DLK2: variants seen among roughly 807,000 people sequenced by gnomAD.
The protein encoded by DLK2 is protein delta homolog 2.
DLK2 carries 9 observed loss-of-function variants against 31.3 expected under a neutral mutation model. The ratio of observed to expected loss-of-function variants is 0.29; its 90% CI spans 0.17 to 0.50. The LOEUF (loss-of-function observed/expected upper bound fraction) is 0.50. Ranked by LOEUF, DLK2 falls within the 20% of genes least tolerant of loss-of-function variation. The pLI is 0.98. For synonymous variants in DLK2, 169 were observed against 201.2 expected (o/e 0.84, Z 1.35); for missense variants, 387 against 526.1 (o/e 0.74, Z 2.59).
At position 43,450,838 on chromosome 6, in the gene DLK2, C is replaced by G. The variant is rs369131771; in HGVS notation, c.853G>C (p.Gly285Arg). 6.2e-7 allele frequency: 1 copy of G among 1,614,192 alleles called. No individual in the cohort carries two copies. The highest frequency in any genetic ancestry group is 1.7e-5 in the Admixed American group (1 of 60,020). Residue 285 changes from glycine (G) to arginine (R), a missense_variant, in exon 6 of 6, where the codon GGT becomes CGT. Physicochemically the swap from Gly to Arg is moderately radical, Grantham distance 125. Coordinates refer to ENST00000372488, the MANE Select transcript of DLK2 (RefSeq NM_023932.4). This position sits in a 1 kb window ranked among gnomAD's most constrained non-coding sequence, Gnocchi z 4.5. ...TCCTTCACTGAGATCCGCAGCAGAC[C>G]AGCCCCTGCGCTGTGGGGGGCTGGC... ...TGPAPHSAGA[G>R]LLRISVKEVV...
chr6:43,455,818 C>G (rs1284599867), upstream of DLK2, among the ~76,000 whole-genome samples: 1 of 152,146 alleles, frequency 6.6e-6, no homozygotes, highest in African/African-American at 2.4e-5. Flanking sequence ...TCTCTCATCT[C>G]CCATGCCCAC....
At position 43,450,965 on chromosome 6, in the gene DLK2, A is replaced by G. The variant is rs370014312; in HGVS notation, c.726T>C (p.Tyr242=). 4.3e-6 allele frequency: 7 copies of G among 1,614,240 alleles called. No homozygotes were observed. The South Asian group carries it at 5.5e-5, about 13-fold the overall frequency. ...AGACAAGCTCACAGGTCTTGCCACC[A>G]TAGCCACTGGGGCAGAGGCAGTCGA... ...HDFDCLCPSG[Y]GGKTCELVLP... The change falls in exon 6 of 6, where the codon TAT becomes TAC. Residue 242 remains tyrosine, a synonymous_variant. Coordinates refer to ENST00000372488, the MANE Select transcript of DLK2 (RefSeq NM_023932.4). This position sits in a 1 kb window ranked among gnomAD's most constrained non-coding sequence, Gnocchi z 4.5.
In DLK2 at chr6:43,450,524, A is replaced by G. The variant is rs1385363022; in HGVS notation, c.*15T>C. 2 of 1,528,744 alleles carry G rather than the reference A, an allele frequency of 1.3e-6. No individual in the cohort carries two copies. The allele number at this position is 1,528,744 out of a possible 1,614,324, so 94.7% of individuals were successfully genotyped here. On this transcript the variant is annotated 3_prime_UTR_variant, in exon 6 of 6. Transcript: ENST00000372488. The surrounding 1 kb of genome is among the most constrained non-coding windows in gnomAD (Gnocchi z 4.5). ...GGAAGAGGTGAGGAAGGGGGCCAGA[A>G]AGCCCCCACCTCCATCACAGTGCTG...
In DLK2 at chr6:43,451,136, G is replaced by A. The variant is rs373336951; in HGVS notation, c.555C>T (p.Asn185=). ...TTATGCCGTCAAGGCAGGTGGCACC[G>A]TTAGCACAAGGCCGCATCAGGCAGT... The part of the protein sequence containing the change: ...VDDCLMRPCA[N]GATCLDGINR... Residue 185 remains asparagine, a synonymous_variant, in exon 6 of 6, where the codon AAC becomes AAT. Coordinates refer to ENST00000372488, the MANE Select transcript of DLK2 (RefSeq NM_023932.4). This position sits in a 1 kb window ranked among gnomAD's most constrained non-coding sequence, Gnocchi z 4.4. 63 of 1,614,200 alleles carry A rather than the reference G, an allele frequency of 3.9e-5. 1 individual carries two copies. The highest frequency in any genetic ancestry group is 2.2e-4 in the South Asian group (20 of 91,088).
rs773031444 is a variant in DLK2, at chr6:43,450,718, C to T, written c.973G>A (p.Val325Met). 23 of 1,614,148 alleles carry T rather than the reference C, an allele frequency of 1.4e-5. No individual in the cohort carries two copies. In the South Asian group the frequency reaches 2.3e-4, roughly 16 times the overall value. ...ALTAALVLATVLLTLRAWRRG... is the reference protein window; with the variant it reads ...ALTAALVLATMLLTLRAWRRG... ...CGCCAGGCCCTCAGGGTCAGCAACA[C>T]AGTAGCCAGAACCAGGGCAGCAGTG... is the stretch of plus-strand genomic sequence containing the variant. Residue 325 changes from valine (V) to methionine (M), a missense_variant, in exon 6 of 6, where the codon GTG becomes ATG. By Grantham distance (21) the Val-to-Met change is conservative. Transcript: ENST00000372488. This position sits in a 1 kb window ranked among gnomAD's most constrained non-coding sequence, Gnocchi z 4.5.
Position 43,454,458 on chromosome 6 carries a change from G to T in DLK2, c.93C>A (p.Ser31=). ...AGCAGCCGTGGGCCAGGTCACAGTG[G>T]GAGCTGCAGTCATCGGCTGCAAGAG... ...GQPVRADDCS[S]HCDLAHGCCA... is the part of the protein sequence containing the mutation. The change falls in exon 3 of 6, where the codon TCC becomes TCA. Residue 31 remains serine (S), a synonymous_variant. Transcript: ENST00000372488. 6.3e-7 allele frequency: 1 copy of T among 1,598,640 alleles called. No homozygotes were observed.
chr6:43,453,275 A>T lies in DLK2; in HGVS notation c.141-140T>A. ...CAGACCTGTCCCAGGTAGGTGTAGG[A>T]CTGTGCAGGGTCATAGGACACATAT... On this transcript the variant is annotated intron_variant, in intron 3 of 5. Coordinates refer to ENST00000372488, the MANE Select transcript of DLK2 (RefSeq NM_023932.4). This position sits in a 1 kb window ranked among gnomAD's most constrained non-coding sequence, Gnocchi z 4.1. 8.8e-7 allele frequency: 1 copy of T among 1,141,564 alleles called. No homozygotes were observed. 70.7% of individuals were successfully genotyped at this position (1,141,564 alleles called of 1,614,324 possible).
In DLK2 at chr6:43,453,996, G is replaced by T. The variant is rs1044412996; in HGVS notation, c.140+415C>A. Reference sequence around the variant, plus strand: ...TACAGAATTTGCCCAATCTCCCAGTGAGTCAACTACTCAAACTCATCAAGA... The same window carrying T: ...TACAGAATTTGCCCAATCTCCCAGTTAGTCAACTACTCAAACTCATCAAGA... On this transcript the variant is annotated intron_variant, in intron 3 of 5. Transcript: ENST00000372488. This position sits in a 1 kb window ranked among gnomAD's most constrained non-coding sequence, Gnocchi z 4.1. 2.6e-5 allele frequency among the ~76,000 whole-genome samples: 4 copies of T among 152,162 alleles called. No homozygotes were observed. In the South Asian group the frequency reaches 8.3e-4, roughly 32 times the overall value.
In DLK2 at chr6:43,450,466, G is replaced by T; in HGVS notation, c.*73C>A. The T allele has an allele frequency of 6.7e-7, 1 of 1,483,354 alleles. No homozygotes were observed. The highest frequency in any genetic ancestry group is 1.4e-5 in the South Asian group (1 of 72,104). 91.9% of individuals were successfully genotyped at this position (1,483,354 alleles called of 1,614,324 possible). ...TCTGTGTGTGTACCCAAGCTGAAGG[G>T]TGGTGAGAACGGACCACTCCAGTCT... On this transcript the variant is annotated 3_prime_UTR_variant, in exon 6 of 6. Transcript: ENST00000372488. This position sits in a 1 kb window ranked among gnomAD's most constrained non-coding sequence, Gnocchi z 4.5.
rs1386919433 is a variant in DLK2 at position 43,453,518 on chromosome 6, C to T, written c.141-383G>A. On this transcript the variant is annotated intron_variant, in intron 3 of 5. Coordinates refer to ENST00000372488, the MANE Select transcript of DLK2 (RefSeq NM_023932.4). This position sits in a 1 kb window ranked among gnomAD's most constrained non-coding sequence, Gnocchi z 4.1. ...CCTTGAAAGGCCATCAGGGCCGGGGCGTGGTTGCTCACGCCTGTAATCCCA... is the reference window on the plus strand; with the variant it reads ...CCTTGAAAGGCCATCAGGGCCGGGGTGTGGTTGCTCACGCCTGTAATCCCA... Among the ~76,000 whole-genome samples the T allele has an allele frequency of 6.6e-6, 1 of 152,222 alleles. No individual in the cohort carries two copies. Among genetic ancestry groups the T allele is most frequent in the South Asian group, 2.1e-4 (1 of 4,834 alleles).
In DLK2 at chr6:43,453,270, G is replaced by A. The variant is rs1458018338; in HGVS notation, c.141-135C>T. 8.4e-6 allele frequency: 10 copies of A among 1,186,862 alleles called. No homozygotes were observed. The highest frequency in any genetic ancestry group is 9.1e-6 in the Non-Finnish European group (8 of 878,748). The allele number at this position is 1,186,862 out of a possible 1,614,324, so 73.5% of individuals were successfully genotyped here. A position where few individuals can be genotyped will look rare whatever the true frequency, so the allele number is the denominator to read the frequency against. On this transcript the variant is annotated intron_variant, in intron 3 of 5. Coordinates refer to ENST00000372488, the MANE Select transcript of DLK2 (RefSeq NM_023932.4). The surrounding 1 kb of genome is among the most constrained non-coding windows in gnomAD (Gnocchi z 4.1). ...GAAAGCAGACCTGTCCCAGGTAGGTGTAGGACTGTGCAGGGTCATAGGACA... is the reference window on the plus strand; with the variant it reads ...GAAAGCAGACCTGTCCCAGGTAGGTATAGGACTGTGCAGGGTCATAGGACA...
In DLK2 at chr6:43,454,787, C is replaced by T. The variant is rs1783908700; in HGVS notation, c.39G>A (p.Leu13=). Residue 13 remains leucine (L), a synonymous_variant, in exon 2 of 6, where the codon CTG becomes CTA. Coordinates refer to ENST00000372488, the MANE Select transcript of DLK2 (RefSeq NM_023932.4). The part of the protein sequence containing the change: ...SGCRCLHLVC[L]LCILGAPGQP... ...GACCGGGAGCCCCCAGAATGCACAA[C>T]AGGCACACGAGATGCAGGCAGCGGC... 4 of 1,555,456 alleles carry T rather than the reference C, an allele frequency of 2.6e-6. No individual in the cohort carries two copies. Among genetic ancestry groups the T allele is most frequent in the Non-Finnish European group, 3.5e-6 (4 of 1,157,428 alleles).
At chr6:43,455,323 C>G (rs1046337733) in intron 1 of DLK2, 72 bp downstream of exon 1, 4 of 150,524 alleles carry the variant, frequency 2.7e-5, no homozygotes, top group Non-Finnish European at 5.8e-5. Flanking sequence ...CCCTTTCTAT[C>G]TCCGCCGCGC....
At position 43,453,274 on chromosome 6, in the gene DLK2, G is replaced by C; in HGVS notation, c.141-139C>G. The C allele has an allele frequency of 8.8e-7, 1 of 1,140,256 alleles. No individual in the cohort carries two copies. Among genetic ancestry groups the C allele is most frequent in the Non-Finnish European group, 1.2e-6 (1 of 837,784 alleles). 70.6% of individuals were successfully genotyped at this position (1,140,256 alleles called of 1,614,324 possible). Reference sequence around the variant, plus strand: ...GCAGACCTGTCCCAGGTAGGTGTAGGACTGTGCAGGGTCATAGGACACATA... The same window carrying C: ...GCAGACCTGTCCCAGGTAGGTGTAGCACTGTGCAGGGTCATAGGACACATA... On this transcript the variant is annotated intron_variant, in intron 3 of 5. Transcript: ENST00000372488. This position sits in a 1 kb window ranked among gnomAD's most constrained non-coding sequence, Gnocchi z 4.1.
intron 1 of DLK2, 159 bp from the exon 2 acceptor site, chr6:43,455,039 AGAGAGCGAG>A (rs1783923285): frequency 1.0e-6 from 1 of 984,888 alleles, no homozygotes; most frequent in South Asian, 4.7e-5. Flanking sequence ...GAGCAGGCGA[AGAGAGCGAG>A]GAGAGCGAAG....
chr6:43,455,646 C>A (rs1194828952), upstream of DLK2: 108 of 142,046 alleles, frequency 7.6e-4, 1 homozygote, highest in African/African-American at 2.3e-3. Flanking sequence ...CCATCCCCCC[C>A]CCCGCGACGC....
Position 43,453,084 on chromosome 6 carries a change from A to G in DLK2, c.192T>C (p.Pro64=), listed in dbSNP as rs1783836131. The G allele has an allele frequency of 6.2e-7, 1 of 1,613,958 alleles. No individual in the cohort carries two copies. ...GGTGGCAGGTACCGTGCTGGCAGCC[A>G]GGCATCCTCACACAGCGCTCACAGT... ...GLHCERCVRM[P]GCQHGTCHQP... The change falls in exon 4 of 6, where the codon CCT becomes CCC. Residue 64 remains proline, a synonymous_variant. Transcript: ENST00000372488. The surrounding 1 kb of genome is among the most constrained non-coding windows in gnomAD (Gnocchi z 4.1).
chr6:43,452,906 G>A lies in DLK2; in HGVS notation c.271+99C>T, dbSNP rs904465894. On this transcript the variant is annotated intron_variant, in intron 4 of 5. Coordinates refer to ENST00000372488, the MANE Select transcript of DLK2 (RefSeq NM_023932.4). ...AAATGATAAAATACCATGTATTTGA[G>A]GGTTTGACAAGGACAAAATAGGCAC... 6 of 1,505,504 alleles carry A rather than the reference G, an allele frequency of 4.0e-6. No individual in the cohort carries two copies. The East Asian group carries it at 1.2e-4, about 29-fold the overall frequency. 93.3% of individuals were successfully genotyped at this position (1,505,504 alleles called of 1,614,324 possible).
In DLK2 at chr6:43,450,805, G is replaced by A. The variant is rs139041633; in HGVS notation, c.886C>T (p.Arg296Trp). 1.1e-5 allele frequency: 18 copies of A among 1,614,074 alleles called. No homozygotes were observed. In the Middle Eastern group the frequency reaches 6.6e-4, roughly 59 times the overall value. The change falls in exon 6 of 6, where the codon CGG (arginine) becomes TGG (tryptophan). Residue 296 changes from arginine to tryptophan, a missense_variant. Transcript: ENST00000372488. This position sits in a 1 kb window ranked among gnomAD's most constrained non-coding sequence, Gnocchi z 4.5. ...LLRISVKEVV[R>W]RQEAGLGEPS... ...TCACCTAGCCCAGCCTCTTGCCTCC[G>A]CACCACCTCCTTCACTGAGATCCGC...
Sources: allele counts gnomAD v4.1 joint callset (sites outside exome capture counted in the v4.1 genomes callset), GRCh38; gene constraint gnomAD v4.1.1; non-coding constraint Gnocchi (gnomAD v3.1); transcripts MANE v1.5; gene names NCBI Gene and HGNC (gene_info 2026-07-23, HGNC 2026-07-21).